TTN: variants seen among roughly 807,000 people sequenced by gnomAD.
TTN encodes the protein titin.
In TTN, 1,525 loss-of-function variants were observed where a neutral mutation model predicts 3,223.0. The observed-to-expected ratio is 0.47, with a 90% CI of 0.45 to 0.49. The LOEUF is 0.49. Ranked by LOEUF, TTN falls within the 20% of genes least tolerant of loss-of-function variation. The pLI is 0.00. For synonymous variants in TTN, 14,094 were observed against 15,161.0 expected (o/e 0.93, Z 5.17); for missense variants, 40,786 against 43,424.0 (o/e 0.94, Z 5.40).
At chr2:178,706,342 T>A in intron 102 of TTN, 112 bp downstream of exon 102, 1 of 1,159,404 alleles carries the variant, frequency 8.6e-7, no homozygotes, top group Non-Finnish European at 1.2e-6. Context: ...TTTATTTGTA[T>A]TTTTAAATTT....
chr2:178,795,207 A>T lies in TTN; in HGVS notation c.960T>A (p.Ser320=). 1 of 1,614,146 alleles carries T rather than the reference A, an allele frequency of 6.2e-7. No individual in the cohort carries two copies. Among genetic ancestry groups the T allele is most frequent in the African/African-American group, 1.3e-5 (1 of 75,042 alleles). ...TACGCATGAGCAATGGAGACCTAAC[A>T]GACCTGATGGGGGATGTGGAGATTC... ...AARISTSPIR[S]VRSPLLMRKT... The change falls in exon 7 of 363, where the codon TCT becomes TCA. Residue 320 remains serine (S), a synonymous_variant. Transcript: ENST00000589042.
chr2:178,684,868 A>G (rs2070428973), intron 130 of TTN, 38 bp downstream of exon 130: 2 of 1,558,032 alleles, frequency 1.3e-6, no homozygotes, highest in African/African-American at 2.7e-5. Context: ...TAAGATTAAA[A>G]AAAGACAGTC....
At position 178,790,030 on chromosome 2, in the gene TTN, C is replaced by T. The variant is rs1489414145; in HGVS notation, c.1886G>A (p.Gly629Asp). Reference sequence around the variant, plus strand: ...TCTTTTGGTAGTAATGCCTTCTCTACCTCTTGATACTAAATCTTGTTCTTT... The same window carrying T: ...TCTTTTGGTAGTAATGCCTTCTCTATCTCTTGATACTAAATCTTGTTCTTT... ...KVKEQDLVSRGREGITTKREQ... is the reference protein window; with the variant it reads ...KVKEQDLVSRDREGITTKREQ... Residue 629 changes from glycine (G) to aspartate (D), a missense_variant, in exon 12 of 363, where the codon GGT (glycine) becomes GAT (aspartate). Coordinates refer to ENST00000589042, the MANE Select transcript of TTN (RefSeq NM_001267550.2). 2.5e-6 allele frequency: 4 copies of T among 1,613,250 alleles called. No homozygotes were observed. The highest frequency in any genetic ancestry group is 2.5e-6 in the Non-Finnish European group (3 of 1,179,486).
Position 178,722,251 on chromosome 2 carries a change from G to A in TTN, c.22528+8C>T. 6.4e-7 allele frequency: 1 copy of A among 1,563,108 alleles called. No homozygotes were observed. The highest frequency in any genetic ancestry group is 8.6e-7 in the Non-Finnish European group (1 of 1,156,628). On this transcript the variant is annotated splice_region_variant and intron_variant, in intron 77 of 362. Coordinates refer to ENST00000589042, the MANE Select transcript of TTN (RefSeq NM_001267550.2). The stretch of plus-strand genomic sequence containing the variant: ...TTTGCAAAGAAAAAGAGTGACGTGT[G>A]AACAAACCTCTTGCTGTGAGTCTAG...
In TTN at chr2:178,616,717, T is replaced by A; in HGVS notation, c.48160+12A>T. 6.2e-6 allele frequency: 10 copies of A among 1,612,288 alleles called. No individual in the cohort carries two copies. Among genetic ancestry groups the A allele is most frequent in the Non-Finnish European group, 8.5e-6 (10 of 1,179,068 alleles). ...CCAAATCACCTTAGATGATAAATGTTTTGTTCCTTACCAATTACATTGACA... is the reference window on the plus strand; with the variant it reads ...CCAAATCACCTTAGATGATAAATGTATTGTTCCTTACCAATTACATTGACA... On this transcript the variant is annotated intron_variant, in intron 256 of 362. Transcript: ENST00000589042.
In TTN at chr2:178,608,076, G is replaced by A; in HGVS notation, c.52711C>T (p.Pro17571Ser). ...GTGACTCTTGGGATAGGTGGCCCAGGAGGAGCTAGAATGAATGAAGATAGA... is the reference window on the plus strand; with the variant it reads ...GTGACTCTTGGGATAGGTGGCCCAGAAGGAGCTAGAATGAATGAAGATAGA... ...PKTAHDPISPPGPPIPRVTDT... is the reference protein window; with the variant it reads ...PKTAHDPISPSGPPIPRVTDT... The change falls in exon 276 of 363, where the codon CCT (proline) becomes TCT (serine). Residue 17571 changes from proline (P) to serine (S), a missense_variant. By Grantham distance (74) the Pro-to-Ser change is moderately conservative. Transcript: ENST00000589042. 6.2e-7 allele frequency: 1 copy of A among 1,611,910 alleles called. No homozygotes were observed.
chr2:178,604,634 G>C, intron 281 of TTN, 74 bp downstream of exon 281: 1 of 1,429,728 alleles, frequency 7.0e-7, no homozygotes, highest in African/African-American at 1.4e-5. Flanking sequence ...CAAATTCCAA[G>C]GTTATATTAA....
At chr2:178,766,083 G>A (rs943206414) in intron 41 of TTN, among the ~76,000 whole-genome samples, 1 of 152,122 alleles carries the variant, frequency 6.6e-6, no homozygotes, top group African/African-American at 2.4e-5. Context: ...GTTTAACAGC[G>A]AATCTAGAAG....
Position 178,774,010 on chromosome 2 carries a change from G to A in TTN, c.7158C>T (p.Gly2386=), listed in dbSNP as rs780363319. ...CTTCTTGGCCGTCTTTCATCCAGAC[G>A]CCTTCCACACTTTCCAAGGAGACTT... ...EVKVSLESVE[G]VWMKDGQEVQ... The change falls in exon 31 of 363, where the codon GGC becomes GGT. Residue 2386 remains glycine (G), a synonymous_variant. Transcript: ENST00000589042. The A allele has an allele frequency of 1.4e-5, 22 of 1,614,010 alleles. No individual in the cohort carries two copies. The highest frequency in any genetic ancestry group is 1.6e-4 in the Middle Eastern group (1 of 6,062).
chr2:178,748,814 G>A, intron 47 of TTN: 2 of 1,611,688 alleles, frequency 1.2e-6, no homozygotes, highest in Non-Finnish European at 1.7e-6. Flanking sequence ...TAAATTTATT[G>A]CAATGTTAGA....
In TTN at chr2:178,621,452, ATTATTCAC is replaced by A; in HGVS notation, c.45349+15_45349+22del. On this transcript the variant is annotated intron_variant, in intron 245 of 362. Transcript: ENST00000589042. The stretch of plus-strand genomic sequence containing the variant: ...AAGTGTGAATTGTTAGAAATAAAAG[ATTATTCAC>A]TGTAGTTTTCATACCATGTACTTTG... The A allele has an allele frequency of 6.2e-7, 1 of 1,609,952 alleles. No individual in the cohort carries two copies. The highest frequency in any genetic ancestry group is 8.5e-7 in the Non-Finnish European group (1 of 1,178,436).
At chr2:178,724,736 G>T (rs1437155028) in intron 71 of TTN, 198 bp from the exon 72 acceptor site, 4 of 530,978 alleles carry the variant, frequency 7.5e-6, no homozygotes, top group South Asian at 9.1e-5. Context: ...TTTCTTTTCA[G>T]TTTTTTCTTT....
At position 178,605,205 on chromosome 2, in the gene TTN, G is replaced by A; in HGVS notation, c.53972C>T (p.Thr17991Ile). ...GEPVHIPADV[T>I]GLPMPKIEWS... ...TTCAATCTTAGGCATTGGAAGGCCT[G>A]TCACATCTGCAGGGATGTGGACAGG... Residue 17991 changes from threonine (T) to isoleucine (I), a missense_variant, in exon 280 of 363, where the codon ACA becomes ATA. Transcript: ENST00000589042. The A allele has an allele frequency of 2.5e-6, 4 of 1,612,068 alleles. No individual in the cohort carries two copies. The highest frequency in any genetic ancestry group is 2.2e-5 in the East Asian group (1 of 44,544).
rs2077637685 is a variant in TTN at position 178,717,339 on chromosome 2, T to C, written c.25395A>G (p.Val8465=). 1.2e-6 allele frequency: 2 copies of C among 1,613,448 alleles called. No homozygotes were observed. Among genetic ancestry groups the C allele is most frequent in the Admixed American group, 1.7e-5 (1 of 60,012 alleles). Reference sequence around the variant, plus strand: ...TACCACTTTCTCCAAGAGCAAGATCTACTGATACAGGCTTTAGATCAAAGA... The same window carrying C: ...TACCACTTTCTCCAAGAGCAAGATCCACTGATACAGGCTTTAGATCAAAGA... ...PPFFDLKPVS[V]DLALGESGTF... Residue 8465 remains valine (V), a synonymous_variant, in exon 88 of 363, where the codon GTA becomes GTG. Coordinates refer to ENST00000589042, the MANE Select transcript of TTN (RefSeq NM_001267550.2).
At position 178,593,003 on chromosome 2, in the gene TTN, G is replaced by C; in HGVS notation, c.59116C>G (p.His19706Asp). 6.2e-7 allele frequency: 1 copy of C among 1,613,424 alleles called. No individual in the cohort carries two copies. Among genetic ancestry groups the C allele is most frequent in the African/African-American group, 1.3e-5 (1 of 74,984 alleles). Residue 19706 changes from histidine to aspartate, a missense_variant, in exon 300 of 363, where the codon CAT becomes GAT. Coordinates refer to ENST00000589042, the MANE Select transcript of TTN (RefSeq NM_001267550.2). Reference protein sequence around the residue: ...SVDLTWQPPRHDGGSKILGYI... With the variant: ...SVDLTWQPPRDDGGSKILGYI... The stretch of plus-strand genomic sequence containing the variant: ...CCCAGAATCTTGCTCCCACCATCAT[G>C]ACGTGGTGGCTGCCAAGTTAGATCG...
At chr2:178,768,256 A>G in intron 38 of TTN, 101 bp from the exon 39 acceptor site, 1 of 1,351,940 alleles carries the variant, frequency 7.4e-7, no homozygotes, top group Admixed American at 1.9e-5. Context: ...CAATTCAATG[A>G]ATTTCCATGT....
intron 88 of TTN, 127 bp from the exon 89 acceptor site, chr2:178,715,901 A>C: frequency 1.1e-6 from 1 of 873,330 alleles, no homozygotes; most frequent in South Asian, 2.2e-5. Context: ...ATGCAGTTCA[A>C]GGAAGAAGAG....
At position 178,561,607 on chromosome 2, in the gene TTN, C is replaced by A. The variant is rs886042366; in HGVS notation, c.84525G>T (p.Trp28175Cys). The change falls in exon 326 of 363, where the codon TGG becomes TGT. Residue 28175 changes from tryptophan to cysteine, a missense_variant. Transcript: ENST00000589042. ...HATKSTMLVTWQVPVNDGGSR... is the reference protein window; with the variant it reads ...HATKSTMLVTCQVPVNDGGSR... ...TTCCTCCATCATTAACTGGCACTTG[C>A]CAGGTTACAAGCATGGTAGATTTTG... 2 of 1,612,904 alleles carry A rather than the reference C, an allele frequency of 1.2e-6. No individual in the cohort carries two copies. The highest frequency in any genetic ancestry group is 1.7e-6 in the Non-Finnish European group (2 of 1,179,480).
At chr2:178,779,483 C>T (rs368803029) in intron 22 of TTN, 21 bp from the exon 23 acceptor site, 220 of 1,399,162 alleles carry the variant, frequency 1.6e-4, no homozygotes, top group Non-Finnish European at 2.1e-4. Flanking sequence ...AGATTATGGT[C>T]TGTTAAAAAT....
Sources: allele counts gnomAD v4.1 joint callset (sites outside exome capture counted in the v4.1 genomes callset), GRCh38; gene constraint gnomAD v4.1.1; transcripts MANE v1.5; gene names NCBI Gene and HGNC (gene_info 2026-07-23, HGNC 2026-07-21).